REL: variants seen among roughly 807,000 people sequenced by gnomAD.
The protein encoded by REL is proto-oncogene c-Rel.
Under a neutral mutation model 45.9 loss-of-function variants are expected in REL, and 15 were observed. That is an observed-to-expected ratio of 0.33 (90% CI 0.22 to 0.50). The LOEUF is 0.50. Ranked by LOEUF, REL falls within the 20% of genes least tolerant of loss-of-function variation. REL has a pLI of 0.98. For missense variants in REL, 601 were observed against 715.2 expected (o/e 0.84, Z 1.82); for synonymous variants, 239 against 242.1 (o/e 0.99, Z 0.12).
intron 1 of REL, among the ~76,000 whole-genome samples, chr2:60,890,417 G>A (rs1000734116): frequency 6.6e-6 from 1 of 152,132 alleles, no homozygotes; most frequent in Non-Finnish European, 1.5e-5. Flanking sequence ...GCTGGGGTAG[G>A]ATTCTAAAGG....
intron 4 of REL, among the ~76,000 whole-genome samples, chr2:60,905,835 CTT>C (rs1012659722): frequency 3.3e-5 from 5 of 152,192 alleles, no homozygotes; most frequent in African/African-American, 9.7e-5. Context: ...TTTCTTAACT[CTT>C]TCACCATGAC....
intron 7 of REL, 36 bp from the exon 8 acceptor site, chr2:60,920,005 A>C: frequency 7.0e-7 from 1 of 1,424,208 alleles, no homozygotes; most frequent in Non-Finnish European, 9.8e-7. Flanking sequence ...CAATCCTATA[A>C]TTTTTTATCT....
Position 60,925,719 on chromosome 2 carries a change from A to C in REL, c.*3184A>C, listed in dbSNP as rs1284422233. 4.1e-5 allele frequency: 8 copies of C among 197,400 alleles called. No homozygotes were observed. The highest frequency in any genetic ancestry group is 7.3e-5 in the Non-Finnish European group (7 of 95,746). 12.2% of individuals were successfully genotyped at this position (197,400 alleles called of 1,614,324 possible). On this transcript the variant is annotated 3_prime_UTR_variant, in exon 10 of 10. Transcript: ENST00000394479. ...AGATTTTTTTTTTTTTTAATACAGA[A>C]TCTCATAGTTTTGGATTAATTAGCA...
chr2:60,890,907 C>T (rs1398807493), intron 1 of REL, among the ~76,000 whole-genome samples: 1 of 152,226 alleles, frequency 6.6e-6, no homozygotes, highest in African/African-American at 2.4e-5. Flanking sequence ...ATGTGCTCTT[C>T]TGGTCTAACT....
intron 4 of REL, 67 bp downstream of exon 4, chr2:60,901,150 C>CTTTTTTTTTTTTT (rs10565258): frequency 4.4e-6 from 4 of 915,964 alleles, no homozygotes; most frequent in East Asian, 1.0e-4. Flanking sequence ...TTTTCTTTCT[C>CTTTTTTTTTTTTT]TTTTTTTTTT....
chr2:60,912,683 G>C (rs1673852593), intron 4 of REL, among the ~76,000 whole-genome samples: 1 of 151,928 alleles, frequency 6.6e-6, no homozygotes, highest in East Asian at 1.9e-4. Context: ...AGACAAAACT[G>C]TTCAATACAC....
At chr2:60,919,388 C>T (rs1194435273) in intron 7 of REL, among the ~76,000 whole-genome samples, 1 of 151,750 alleles carries the variant, frequency 6.6e-6, no homozygotes, top group Non-Finnish European at 1.5e-5. Context: ...GTGCGCACCA[C>T]CACACTTGGC....
intron 4 of REL, among the ~76,000 whole-genome samples, chr2:60,904,497 G>A (rs902159027): frequency 5.1e-4 from 77 of 151,826 alleles, no homozygotes; most frequent in Non-Finnish European, 1.3e-4. Context: ...CTTGAACCCA[G>A]GAGGCGGAGG....
At chr2:60,898,320 G>A (rs1673408108) in intron 3 of REL, among the ~76,000 whole-genome samples, 1 of 152,020 alleles carries the variant, frequency 6.6e-6, no homozygotes, top group South Asian at 2.1e-4. Context: ...CTTCTATATA[G>A]CCTATAAGGC....
At chr2:60,885,747 C>G (rs149519666) in intron 1 of REL, among the ~76,000 whole-genome samples, 115 of 152,272 alleles carry the variant, frequency 7.6e-4, no homozygotes, top group African/African-American at 2.6e-3. Context: ...CTTTAGGTCT[C>G]AGGCAAAGTC....
chr2:60,892,319 A>G (rs981063197), intron 2 of REL, among the ~76,000 whole-genome samples: 2 of 152,194 alleles, frequency 1.3e-5, no homozygotes, highest in Admixed American at 1.3e-4. Flanking sequence ...ACTGATTTGA[A>G]ATACCACTTT....
At chr2:60,917,581 G>GTGGTGCAGTCATGGCTCACTGCCA (rs1167607824) in intron 5 of REL, among the ~76,000 whole-genome samples, 4 of 145,358 alleles carry the variant, frequency 2.8e-5, no homozygotes, top group Admixed American at 1.4e-4. Flanking sequence ...CCAGGCTGGA[G>GTGGTGCAGTCATGGCTCACTGCCA]TGCAGTGGTG....
chr2:60,917,060 T>G (rs751375852), intron 5 of REL, 43 bp downstream of exon 5: 1 of 1,500,182 alleles, frequency 6.7e-7, no homozygotes, highest in Non-Finnish European at 9.1e-7. Flanking sequence ...TAACTTGTTT[T>G]TTGTAATAGT....
Position 60,923,105 on chromosome 2 carries a change from T to C in REL, c.*570T>C, listed in dbSNP as rs1674189647. ...TTTCTTTTTATAATGTTTTAATGTA[T>C]TCTTAAATTTCAAGCAAATTTAAGA... is the stretch of plus-strand genomic sequence containing the variant. On this transcript the variant is annotated 3_prime_UTR_variant, in exon 10 of 10. Coordinates refer to ENST00000394479, the MANE Select transcript of REL (RefSeq NM_001291746.2). 1 of 182,686 alleles carries C rather than the reference T, an allele frequency of 5.5e-6. No homozygotes were observed. The highest frequency in any genetic ancestry group is 2.4e-5 in the African/African-American group (1 of 42,518). The allele number at this position is 182,686 out of a possible 1,614,324, so 11.3% of individuals were successfully genotyped here.
At position 60,924,892 on chromosome 2, in the gene REL, T is replaced by C. The variant is rs1011953120; in HGVS notation, c.*2357T>C. ...TCTGCATACTTTATGTGAGTTGTTA[T>C]AGCTGTAACATTACACTTTATTTGC... On this transcript the variant is annotated 3_prime_UTR_variant, in exon 10 of 10. Transcript: ENST00000394479. 9.4e-6 allele frequency: 2 copies of C among 213,434 alleles called. No homozygotes were observed. Among genetic ancestry groups the C allele is most frequent in the South Asian group, 1.9e-4 (1 of 5,356 alleles). 13.2% of individuals were successfully genotyped at this position (213,434 alleles called of 1,614,324 possible).
intron 1 of REL, among the ~76,000 whole-genome samples, chr2:60,885,574 G>A (rs1426855496): frequency 6.6e-6 from 1 of 152,122 alleles, no homozygotes; most frequent in Non-Finnish European, 1.5e-5. Context: ...TTGAAAGTCA[G>A]CCTGATGTAT....
chr2:60,890,262 C>T (rs1036393151), intron 1 of REL, among the ~76,000 whole-genome samples: 34 of 152,160 alleles, frequency 2.2e-4, no homozygotes, highest in African/African-American at 8.0e-4. Context: ...TATGACACTT[C>T]GTAAGAATTT....
At chr2:60,894,672 T>C (rs1673303526) in intron 3 of REL, 127 bp downstream of exon 3, 1 of 647,300 alleles carries the variant, frequency 1.5e-6, no homozygotes. Flanking sequence ...TACTGTATTT[T>C]ACACTTACAT....
chr2:60,892,593 T>C (rs1673242846), intron 2 of REL, among the ~76,000 whole-genome samples: 1 of 151,612 alleles, frequency 6.6e-6, no homozygotes, highest in Non-Finnish European at 1.5e-5. Flanking sequence ...CACGCCCAGC[T>C]GATTTTTGTA....
Sources: allele counts gnomAD v4.1 joint callset (sites outside exome capture counted in the v4.1 genomes callset), GRCh38; gene constraint gnomAD v4.1.1; transcripts MANE v1.5; gene names NCBI Gene and HGNC (gene_info 2026-07-23, HGNC 2026-07-21).